MGAT4C: variants seen among roughly 807,000 people sequenced by gnomAD.
MGAT4C encodes alpha-1,3-mannosyl-glycoprotein 4-beta-N-acetylglucosaminyltransferase C.
MGAT4C carries 19 observed loss-of-function variants against 40.1 expected under a neutral mutation model. The observed-to-expected ratio is 0.47, with a 90% CI of 0.33 to 0.70. MGAT4C has a LOEUF of 0.70. Ranked by LOEUF, MGAT4C falls within the 30% of genes least tolerant of loss-of-function variation. The pLI, the probability that MGAT4C is intolerant of heterozygous loss-of-function variation, is 0.02. For synonymous variants in MGAT4C, 181 were observed against 187.1 expected, an observed-to-expected ratio of 0.97 and a Z score of 0.27; for missense variants, 491 against 563.2, an observed-to-expected ratio of 0.87 and a Z score of 1.30.
intron 1 of MGAT4C, among the ~76,000 whole-genome samples, chr12:86,754,620 T>C (rs1001370237): frequency 2.0e-5 from 3 of 152,122 alleles, no homozygotes; most frequent in Non-Finnish European, 4.4e-5. Context: ...AAATAGTCTA[T>C]TTAGGAAACC....
chr12:86,830,210 T>C (rs956569223), intron 1 of MGAT4C, among the ~76,000 whole-genome samples: 1 of 151,484 alleles, frequency 6.6e-6, no homozygotes. Context: ...TGTATGCCCG[T>C]TTGTGCTTTT....
intron 2 of MGAT4C, chr12:86,601,343 C>T (rs915371245): frequency 1.3e-5 from 2 of 152,062 alleles, no homozygotes; most frequent in Non-Finnish European, 2.9e-5. Context: ...GTGTTTTTTT[C>T]AAGCCCTCCC....
At chr12:86,188,183 G>T (rs564524312) in intron 1 of MGAT4C, among the ~76,000 whole-genome samples, 3 of 152,180 alleles carry the variant, frequency 2.0e-5, no homozygotes, top group South Asian at 2.1e-4. Flanking sequence ...GATGAGAAAT[G>T]ATTAAGAATT....
intron 1 of MGAT4C, among the ~76,000 whole-genome samples, chr12:86,098,991 G>A (rs1874440037): frequency 6.6e-6 from 1 of 151,438 alleles, no homozygotes; most frequent in South Asian, 2.1e-4. Flanking sequence ...AGAATAGTTA[G>A]AAGAGAATAG....
intron 2 of MGAT4C, among the ~76,000 whole-genome samples, chr12:86,641,101 A>G (rs1963369027): frequency 6.6e-6 from 1 of 151,808 alleles, no homozygotes; most frequent in Non-Finnish European, 1.5e-5. Flanking sequence ...TCACAATAGC[A>G]AAGACTTGGA....
In MGAT4C at chr12:86,560,981, A is replaced by C. The variant is rs559249535; in HGVS notation, c.-228-125716T>G. On this transcript the variant is annotated intron_variant, in intron 2 of 7. Coordinates refer to the MGAT4C transcript ENST00000548651. ...CAGGATACAAAACCAACATACAAAA[A>C]TCAGTAGCATTTCTATACACCAATA... Among the ~76,000 whole-genome samples, 43 of 152,290 alleles carry C rather than the reference A, an allele frequency of 2.8e-4. 1 individual carries two copies. The highest frequency in any genetic ancestry group is 3.4e-3 in the Middle Eastern group (1 of 294).
chr12:86,470,424 G>A (rs1482721682), intron 2 of MGAT4C, among the ~76,000 whole-genome samples: 1 of 152,072 alleles, frequency 6.6e-6, no homozygotes, highest in African/African-American at 2.4e-5. Context: ...TGCTAAGGAT[G>A]AGAGAGAAAT....
chr12:85,989,135 T>C (rs1213099431), intron 3 of MGAT4C, among the ~76,000 whole-genome samples: 1 of 152,082 alleles, frequency 6.6e-6, no homozygotes, highest in Non-Finnish European at 1.5e-5. Context: ...TTATTCTGCA[T>C]AGTGATGATA....
chr12:86,630,707 T>A (rs886168682), intron 2 of MGAT4C, among the ~76,000 whole-genome samples: 2 of 152,104 alleles, frequency 1.3e-5, no homozygotes, highest in Admixed American at 6.6e-5. Flanking sequence ...CAACAACACT[T>A]CATGCTAAAA....
At chr12:86,412,353 C>A (rs1956623972) in intron 3 of MGAT4C, among the ~76,000 whole-genome samples, 1 of 152,162 alleles carries the variant, frequency 6.6e-6, no homozygotes, top group Admixed American at 6.6e-5. Flanking sequence ...AGGGGCTGAG[C>A]CATGTAGAAC....
chr12:86,654,218 TC>T (rs1963777099), intron 2 of MGAT4C, among the ~76,000 whole-genome samples: 2 of 151,982 alleles, frequency 1.3e-5, no homozygotes, highest in Admixed American at 6.6e-5. Context: ...CTTTTGATTC[TC>T]CGTTTAATTT....
At chr12:86,614,805 A>G (rs989104400) in intron 2 of MGAT4C, among the ~76,000 whole-genome samples, 1 of 151,996 alleles carries the variant, frequency 6.6e-6, no homozygotes, top group Non-Finnish European at 1.5e-5. Context: ...CCTCACTTGG[A>G]TCATTTCCTT....
intron 2 of MGAT4C, among the ~76,000 whole-genome samples, chr12:86,007,278 T>A (rs986733107): frequency 3.9e-5 from 6 of 152,170 alleles, no homozygotes; most frequent in Non-Finnish European, 1.5e-5. Flanking sequence ...AAATGGGGCT[T>A]TATTTCAATA....
intron 2 of MGAT4C, among the ~76,000 whole-genome samples, chr12:86,522,549 T>TG (rs1592948639): frequency 6.6e-6 from 1 of 152,296 alleles, no homozygotes; most frequent in East Asian, 1.9e-4. Flanking sequence ...GGTGTCAGTC[T>TG]GAAGTTTTCT....
At chr12:86,819,150 T>C (rs1593237159) in intron 1 of MGAT4C, among the ~76,000 whole-genome samples, 1 of 151,026 alleles carries the variant, frequency 6.6e-6, no homozygotes, top group Non-Finnish European at 1.5e-5. Flanking sequence ...TGGCAGCCAT[T>C]GAAATAAGAG....
At chr12:86,383,616 A>G (rs1955996045) in intron 3 of MGAT4C, among the ~76,000 whole-genome samples, 1 of 149,374 alleles carries the variant, frequency 6.7e-6, no homozygotes, top group East Asian at 2.0e-4. Context: ...TTTGGTTTGC[A>G]TGAGGCCTGT....
intron 2 of MGAT4C, among the ~76,000 whole-genome samples, chr12:85,992,332 C>G (rs1213319723): frequency 6.6e-6 from 1 of 152,126 alleles, no homozygotes; most frequent in Non-Finnish European, 1.5e-5. Context: ...ATCTAGCTGT[C>G]ACATAGGACT....
intron 4 of MGAT4C, among the ~76,000 whole-genome samples, chr12:86,319,813 G>A (rs1469189626): frequency 1.3e-5 from 2 of 152,064 alleles, no homozygotes; most frequent in African/African-American, 4.8e-5. Flanking sequence ...TCTGAAAGTT[G>A]AAAGGGGCTG....
intron 3 of MGAT4C, among the ~76,000 whole-genome samples, chr12:86,427,875 C>G (rs948440566): frequency 6.6e-5 from 10 of 152,050 alleles, no homozygotes; most frequent in African/African-American, 2.4e-4. Context: ...ACAAAATTAG[C>G]TCAGCTTGGT....
Sources: allele counts gnomAD v4.1 joint callset (sites outside exome capture counted in the v4.1 genomes callset), GRCh38; gene constraint gnomAD v4.1.1; transcripts MANE v1.5; gene names NCBI Gene and HGNC (gene_info 2026-07-23, HGNC 2026-07-21).